Variants in NRG3 observed in about 807,000 individuals in gnomAD.
NRG3 encodes the protein neuregulin 3, also known as pro-neuregulin-3, membrane-bound isoform.
A neutral mutation model predicts 66.9 loss-of-function variants in NRG3; 31 were observed. That is an observed-to-expected ratio of 0.46 (90% CI 0.35 to 0.63). The LOEUF (loss-of-function observed/expected upper bound fraction) is 0.63, where lower values mean the gene tolerates loss of function less well. Among genes scored for constraint, NRG3 ranks in the 20% least tolerant of loss-of-function variants. The pLI, the probability that NRG3 is intolerant of heterozygous loss-of-function variation, is 0.00. For synonymous variants in NRG3, 393 were observed against 359.4 expected (o/e 1.09, Z -1.06); for missense variants, 910 against 878.9 (o/e 1.04, Z -0.45).
At chr10:82,367,431 A>G (rs1317681289) in intron 2 of NRG3, among the ~76,000 whole-genome samples, 2 of 152,212 alleles carry the variant, frequency 1.3e-5, no homozygotes, top group Non-Finnish European at 2.9e-5. Flanking sequence ...CAGAATTTAT[A>G]TAGCACTTAG....
intron 2 of NRG3, among the ~76,000 whole-genome samples, chr10:82,687,229 GT>G (rs2054582780): frequency 6.6e-6 from 1 of 152,172 alleles, no homozygotes; most frequent in African/African-American, 2.4e-5. Flanking sequence ...GTTGAACCAA[GT>G]TCTGTGCTTT....
intron 2 of NRG3, among the ~76,000 whole-genome samples, chr10:82,455,001 A>T (rs186301254): frequency 7.2e-5 from 11 of 152,280 alleles, no homozygotes; most frequent in African/African-American, 2.6e-4. Context: ...TAAGTAATTT[A>T]GTAATTTGCC....
chr10:82,413,568 G>C (rs772116034), intron 2 of NRG3, among the ~76,000 whole-genome samples: 4 of 152,132 alleles, frequency 2.6e-5, no homozygotes, highest in Non-Finnish European at 4.4e-5. Flanking sequence ...TGTAACAAGA[G>C]AGTCAGCGGT....
intron 3 of NRG3, among the ~76,000 whole-genome samples, chr10:82,840,740 T>G (rs2063016438): frequency 1.3e-5 from 2 of 152,172 alleles, no homozygotes; most frequent in Admixed American, 6.5e-5. Flanking sequence ...TGTTGGATTC[T>G]CTACCTCCAG....
At chr10:82,664,705 C>G (rs1317350186) in intron 2 of NRG3, among the ~76,000 whole-genome samples, 1 of 151,726 alleles carries the variant, frequency 6.6e-6, no homozygotes, top group Admixed American at 6.6e-5. Context: ...TTCTCAGCTT[C>G]TCAATGAGGC....
intron 1 of NRG3, among the ~76,000 whole-genome samples, chr10:82,007,735 T>C (rs2061427143): frequency 6.6e-6 from 1 of 152,186 alleles, no homozygotes; most frequent in Non-Finnish European, 1.5e-5. Context: ...TTCAATACAA[T>C]GAAGACTAGA....
chr10:82,911,544 A>G (rs894028168), intron 4 of NRG3, among the ~76,000 whole-genome samples: 1 of 151,740 alleles, frequency 6.6e-6, no homozygotes, highest in South Asian at 2.1e-4. Context: ...CTTGTTCATA[A>G]TATTTATTAT....
At chr10:82,662,994 C>T (rs1407313155) in intron 2 of NRG3, among the ~76,000 whole-genome samples, 1 of 152,160 alleles carries the variant, frequency 6.6e-6, no homozygotes, top group Non-Finnish European at 1.5e-5. Context: ...TTTCTTGAAG[C>T]CCATTTCATG....
At chr10:81,982,238 A>G (rs2060355741) in intron 1 of NRG3, among the ~76,000 whole-genome samples, 1 of 152,218 alleles carries the variant, frequency 6.6e-6, no homozygotes, top group Non-Finnish European at 1.5e-5. Flanking sequence ...GACACAGTTC[A>G]GCTAATCTCT....
chr10:82,354,468 G>T (rs1290327788), intron 1 of NRG3, among the ~76,000 whole-genome samples: 5 of 150,968 alleles, frequency 3.3e-5, no homozygotes, highest in Non-Finnish European at 5.9e-5. Context: ...TCAGCCCGCT[G>T]CAACCTCCAC....
chr10:82,597,567 A>T (rs1302317094), intron 2 of NRG3, among the ~76,000 whole-genome samples: 1 of 152,180 alleles, frequency 6.6e-6, no homozygotes, highest in Non-Finnish European at 1.5e-5. Flanking sequence ...CACCAATTTC[A>T]TGTAATTTGC....
chr10:82,734,234 T>G (rs2058052153), intron 2 of NRG3, among the ~76,000 whole-genome samples: 1 of 152,150 alleles, frequency 6.6e-6, no homozygotes, highest in Admixed American at 6.5e-5. Flanking sequence ...TTGGGGACAA[T>G]GTAGAAGAGG....
At chr10:82,259,939 A>G (rs1026164782) in intron 1 of NRG3, among the ~76,000 whole-genome samples, 2 of 130,304 alleles carry the variant, frequency 1.5e-5, no homozygotes, top group South Asian at 4.6e-4. Flanking sequence ...CTCTATTAAA[A>G]AAACAAAACA....
At chr10:82,224,482 C>T (rs1185587782) in intron 1 of NRG3, 1 of 152,136 alleles carries the variant, frequency 6.6e-6, no homozygotes, top group East Asian at 1.9e-4. Flanking sequence ...ACTAAGTGAC[C>T]TGACGATAGT....
At chr10:82,495,427 T>A (rs1048364578) in intron 2 of NRG3, among the ~76,000 whole-genome samples, 1 of 152,194 alleles carries the variant, frequency 6.6e-6, no homozygotes, top group African/African-American at 2.4e-5. Context: ...TACTTGATTT[T>A]TTTTTTGTCC....
At chr10:82,132,380 T>G (rs1304200812) in intron 1 of NRG3, among the ~76,000 whole-genome samples, 1 of 148,472 alleles carries the variant, frequency 6.7e-6, no homozygotes, top group Non-Finnish European at 1.5e-5. Flanking sequence ...ATCCCTGGAA[T>G]AAATCCCAAG....
At chr10:82,181,415 C>A (rs1589234594) in intron 1 of NRG3, among the ~76,000 whole-genome samples, 1 of 151,674 alleles carries the variant, frequency 6.6e-6, no homozygotes, top group Admixed American at 6.6e-5. Flanking sequence ...ATACTTCTCT[C>A]TTACTACTGC....
intron 3 of NRG3, among the ~76,000 whole-genome samples, chr10:82,851,274 C>T (rs982912514): frequency 6.6e-6 from 1 of 152,170 alleles, no homozygotes; most frequent in Non-Finnish European, 1.5e-5. Context: ...AGAGGCATGA[C>T]TTACACAGGG....
At chr10:82,003,768 C>T (rs1456305370) in intron 1 of NRG3, among the ~76,000 whole-genome samples, 1 of 152,020 alleles carries the variant, frequency 6.6e-6, no homozygotes, top group African/African-American at 2.4e-5. Context: ...GTCTGTTGAC[C>T]TATCTTTTGA....
Sources: allele counts gnomAD v4.1 joint callset (sites outside exome capture counted in the v4.1 genomes callset), GRCh38; gene constraint gnomAD v4.1.1; transcripts MANE v1.5; gene names NCBI Gene and HGNC (gene_info 2026-07-23, HGNC 2026-07-21).